RNF168: variants seen among roughly 807,000 people sequenced by gnomAD.
RNF168 encodes ring finger protein 168, also known as E3 ubiquitin-protein ligase RNF168.
In RNF168, 34 loss-of-function variants were observed where a neutral mutation model predicts 34.9. The ratio of observed to expected loss-of-function variants is 0.97; its 90% CI spans 0.74 to 1.30. The LOEUF is 1.30. Among genes scored for constraint, RNF168 ranks in the 50% most tolerant of loss-of-function variants. RNF168 has a pLI of 0.00. For synonymous variants in RNF168, 264 were observed against 254.7 expected, an observed-to-expected ratio of 1.04 and a Z score of -0.35; for missense variants, 725 against 682.5, an observed-to-expected ratio of 1.06 and a Z score of -0.69.
Position 196,475,340 on chromosome 3 carries a change from A to G in RNF168, c.681-28T>C, listed in dbSNP as rs563080787. 18 of 1,350,292 alleles carry G rather than the reference A, an allele frequency of 1.3e-5. 1 individual carries two copies. The Admixed American group carries it at 1.3e-4, about 10-fold the overall frequency. 83.6% of individuals were successfully genotyped at this position (1,350,292 alleles called of 1,614,324 possible). On this transcript the variant is annotated intron_variant, in intron 4 of 5. Coordinates refer to ENST00000318037, the MANE Select transcript of RNF168 (RefSeq NM_152617.4). ...AAAAGAAAAGTTTACCAAAGTTTCA[A>G]TGCTTTCAAAGACAGATGGTATGTA... is the stretch of plus-strand genomic sequence containing the variant.
At position 196,487,547 on chromosome 3, in the gene RNF168, T is replaced by C; in HGVS notation, c.410A>G (p.Glu137Gly). 5 of 1,614,226 alleles carry C rather than the reference T, an allele frequency of 3.1e-6. No homozygotes were observed. The highest frequency in any genetic ancestry group is 4.2e-6 in the Non-Finnish European group (5 of 1,180,030). ...VAAERRASEE[E>G]ENKASEEYIQ... ...GTATTCTTCACTGGCTTTGTTTTCT[T>C]CTTCCTCGCTGGCCCGTCGCTCTGC... Residue 137 changes from glutamate to glycine, a missense_variant, in exon 3 of 6, where the codon GAA (glutamate) becomes GGA (glycine). Coordinates refer to ENST00000318037, the MANE Select transcript of RNF168 (RefSeq NM_152617.4).
At chr3:196,493,875 CAG>C (rs1384025944) in intron 1 of RNF168, among the ~76,000 whole-genome samples, 2 of 143,746 alleles carry the variant, frequency 1.4e-5, no homozygotes, top group African/African-American at 5.2e-5. Context: ...TTTTTTGAGA[CAG>C]AGTCTCACTT....
chr3:196,499,662 A>G (rs1198156168), intron 1 of RNF168, among the ~76,000 whole-genome samples: 2 of 152,074 alleles, frequency 1.3e-5, no homozygotes, highest in Non-Finnish European at 2.9e-5. Context: ...CTCTACTAAC[A>G]ATACAAAAAT....
rs1553862198 is a variant in RNF168, at chr3:196,485,784, A to AC, written c.558+1614_558+1615insG. ...TTTTGCTAAGTGTATATACATATAT[A>AC]TTTTTTTATTCTATTGAACTTCCCA... is the stretch of plus-strand genomic sequence containing the variant. On this transcript the variant is annotated intron_variant, in intron 3 of 5. Transcript: ENST00000318037. 7.3e-5 allele frequency among the ~76,000 whole-genome samples: 11 copies of AC among 151,600 alleles called. 2 individuals carry two copies. Among genetic ancestry groups the AC allele is most frequent in the Admixed American group, 6.6e-4 (10 of 15,178 alleles).
At chr3:196,491,916 C>T (rs1393562470) in intron 1 of RNF168, among the ~76,000 whole-genome samples, 5 of 152,098 alleles carry the variant, frequency 3.3e-5, no homozygotes, top group East Asian at 3.9e-4. Context: ...TCCACTCGTA[C>T]GAGACACCTA....
intron 1 of RNF168, among the ~76,000 whole-genome samples, chr3:196,498,315 C>A (rs572175733): frequency 1.3e-5 from 2 of 152,184 alleles, no homozygotes; most frequent in African/African-American, 4.8e-5. Flanking sequence ...CGCCACCACA[C>A]CCGGCTAATT....
intron 1 of RNF168, among the ~76,000 whole-genome samples, chr3:196,496,314 C>A (rs1488613801): frequency 2.0e-5 from 3 of 152,138 alleles, no homozygotes; most frequent in Non-Finnish European, 4.4e-5. Context: ...TGTAGGGGAT[C>A]CTTCCTTGCC....
chr3:196,489,074 T>C (rs1386959099), intron 1 of RNF168, among the ~76,000 whole-genome samples: 1 of 152,132 alleles, frequency 6.6e-6, no homozygotes, highest in Non-Finnish European at 1.5e-5. Flanking sequence ...CAGGCTGGTC[T>C]CGAGCTCCTG....
rs1448830577 is a variant in RNF168 at position 196,469,958 on chromosome 3, T to C, written c.*1861A>G. ...TGCCTGATAGTAGGGTGTGAAAAGC[T>C]GTAAAACCCAAATGTTTCCTGTGTT... On this transcript the variant is annotated 3_prime_UTR_variant, in exon 6 of 6. Coordinates refer to ENST00000318037, the MANE Select transcript of RNF168 (RefSeq NM_152617.4). 6.6e-6 allele frequency: 1 copy of C among 152,220 alleles called. No individual in the cohort carries two copies. Among genetic ancestry groups the C allele is most frequent in the Non-Finnish European group, 1.5e-5 (1 of 68,038 alleles). The allele number at this position is 152,220 out of a possible 1,614,324, so 9.4% of individuals were successfully genotyped here. A position where few individuals can be genotyped will look rare whatever the true frequency, so the allele number is the denominator to read the frequency against.
rs768155091 is a variant in RNF168 at position 196,471,875 on chromosome 3, G to A, written c.1660C>T (p.Gln554Ter). ...CKVSKSAHSL[Q>*]PSISQKSVFQ... is the part of the protein sequence containing the mutation. Reference sequence around the variant, plus strand: ...ACACTTTTCTGTGAAATGCTAGGCTGTAGGGAGTGAGCACTTTTGGATACC... The same window carrying A: ...ACACTTTTCTGTGAAATGCTAGGCTATAGGGAGTGAGCACTTTTGGATACC... The change falls in exon 6 of 6, where the codon CAG becomes TAG. Residue 554 changes from glutamine (Q) to a stop codon, truncating the protein, a stop_gained. Coordinates refer to ENST00000318037, the MANE Select transcript of RNF168 (RefSeq NM_152617.4). LOFTEE classifies it high-confidence loss of function. The A allele has an allele frequency of 1.2e-5, 20 of 1,614,058 alleles. No homozygotes were observed. The highest frequency in any genetic ancestry group is 8.9e-5 in the East Asian group (4 of 44,884).
intron 1 of RNF168, among the ~76,000 whole-genome samples, chr3:196,499,318 G>A (rs1732824806): frequency 6.6e-6 from 1 of 152,108 alleles, no homozygotes; most frequent in Non-Finnish European, 1.5e-5. Context: ...AAGCTAAGGA[G>A]AAGGGCACGG....
intron 4 of RNF168, among the ~76,000 whole-genome samples, chr3:196,478,824 GC>G (rs1396107086): frequency 3.4e-5 from 5 of 146,514 alleles, no homozygotes; most frequent in African/African-American, 7.6e-5. Flanking sequence ...GCACCACCAT[GC>G]CCAGCGAATT....
chr3:196,475,150 A>C, intron 5 of RNF168, 81 bp downstream of exon 5: 1 of 836,486 alleles, frequency 1.2e-6, no homozygotes, highest in Non-Finnish European at 2.1e-6. Flanking sequence ...GCTTTTGTTA[A>C]AAGGTAGAAA....
intron 1 of RNF168, among the ~76,000 whole-genome samples, chr3:196,498,318 G>A (rs1167105844): frequency 2.0e-5 from 3 of 151,954 alleles, no homozygotes; most frequent in Non-Finnish European, 2.9e-5. Context: ...CACCACACCC[G>A]GCTAATTTTT....
chr3:196,500,927 G>A (rs1242770061), intron 1 of RNF168, among the ~76,000 whole-genome samples: 1 of 152,066 alleles, frequency 6.6e-6, no homozygotes, highest in East Asian at 1.9e-4. Flanking sequence ...TAGCCAGGAT[G>A]GTCTCGATCT....
chr3:196,474,214 G>A (rs1001865615), intron 5 of RNF168, among the ~76,000 whole-genome samples: 7 of 140,708 alleles, frequency 5.0e-5, no homozygotes, highest in Admixed American at 1.5e-4. Context: ...TGCAACCTCC[G>A]CCTTCCGGGT....
At chr3:196,476,177 T>C (rs1366550634) in intron 4 of RNF168, among the ~76,000 whole-genome samples, 1 of 152,034 alleles carries the variant, frequency 6.6e-6, no homozygotes, top group African/African-American at 2.4e-5. Flanking sequence ...TTCTTAATTC[T>C]TGAAAAAAGC....
chr3:196,489,011 C>T (rs1458374501), intron 1 of RNF168, among the ~76,000 whole-genome samples: 14 of 152,186 alleles, frequency 9.2e-5, no homozygotes, highest in Admixed American at 2.6e-4. Flanking sequence ...TGCGCCACCA[C>T]ACCCAGCTAA....
rs371768338 is a variant in RNF168, at chr3:196,487,398, C to A, written c.558+1G>T. ...CCTTAGCGTTCCCTCCTAAAACTTA[C>A]AATATCAATGCTTAGCTTTCTTGCC... On this transcript the variant is annotated splice_donor_variant, in intron 3 of 5. Coordinates refer to ENST00000318037, the MANE Select transcript of RNF168 (RefSeq NM_152617.4). LOFTEE classifies it high-confidence loss of function. 2 of 1,613,434 alleles carry A rather than the reference C, an allele frequency of 1.2e-6. No homozygotes were observed. Among genetic ancestry groups the A allele is most frequent in the Non-Finnish European group, 8.5e-7 (1 of 1,179,330 alleles).
Sources: gnomAD v4.1 joint callset for allele counts (sites outside exome capture counted in the v4.1 genomes callset) on GRCh38, gnomAD v4.1.1 for gene constraint, MANE v1.5 for transcripts, NCBI Gene and HGNC (gene_info 2026-07-23, HGNC 2026-07-21) for gene names.